PHF3: variants seen among roughly 807,000 people sequenced by gnomAD.
PHF3 encodes PHD finger protein 3.
Under a neutral mutation model 178.4 loss-of-function variants are expected in PHF3, and 41 were observed. That is an observed-to-expected ratio of 0.23 (90% confidence interval 0.18 to 0.30). The LOEUF (loss-of-function observed/expected upper bound fraction) is 0.30. Among genes scored for constraint, PHF3 ranks in the 10% least tolerant of loss-of-function variants. The pLI, the probability that PHF3 is intolerant of heterozygous loss-of-function variation, is 1.00. For synonymous variants in PHF3, 842 were observed against 800.5 expected (o/e 1.05, Z -0.88); for missense variants, 2,346 against 2,398.1 (o/e 0.98, Z 0.45).
intron 6 of PHF3, among the ~76,000 whole-genome samples, chr6:63,696,151 A>C (rs1032883134): frequency 6.6e-6 from 1 of 152,208 alleles, no homozygotes; most frequent in Non-Finnish European, 1.5e-5. Context: ...GTACAATGCA[A>C]ATATTCCAAG....
In PHF3 at chr6:63,684,802, T is replaced by C. The variant is rs961867260; in HGVS notation, c.1080T>C (p.Leu360=). The part of the protein sequence containing the change: ...CTNPNKTENS[L]VGLPSCVDEV... ...ATCCAAATAAGACAGAAAACAGCCT[T>C]GTAGGTTTGCCTAGTTGTGTAGATG... The change falls in exon 4 of 16, where the codon CTT becomes CTC. Residue 360 remains leucine (L), a synonymous_variant. Coordinates refer to ENST00000262043, the MANE Select transcript of PHF3 (RefSeq NM_001370348.2). 1.9e-6 allele frequency: 3 copies of C among 1,614,052 alleles called. No homozygotes were observed.
intron 2 of PHF3, among the ~76,000 whole-genome samples, chr6:63,656,217 TTTCCATAGC>T (rs1765226928): frequency 6.6e-6 from 1 of 152,256 alleles, no homozygotes; most frequent in Admixed American, 6.5e-5. Flanking sequence ...TTATTTTTGC[TTTCCATAGC>T]TTGACATAAT....
chr6:63,684,803 G>A lies in PHF3; in HGVS notation c.1081G>A (p.Val361Ile), dbSNP rs1766604276. Residue 361 changes from valine (V) to isoleucine (I), a missense_variant, in exon 4 of 16, where the codon GTA becomes ATA. Val to Ile is a conservative substitution (Grantham distance 29). Transcript: ENST00000262043. ...TCCAAATAAGACAGAAAACAGCCTT[G>A]TAGGTTTGCCTAGTTGTGTAGATGA... The part of the protein sequence containing the change: ...TNPNKTENSL[V>I]GLPSCVDEVT... 4 of 1,613,892 alleles carry A rather than the reference G, an allele frequency of 2.5e-6. No homozygotes were observed. Among genetic ancestry groups the A allele is most frequent in the Non-Finnish European group, 3.4e-6 (4 of 1,179,920 alleles).
Position 63,722,749 on chromosome 6 carries a change from A to G in PHF3, c.*9041A>G, listed in dbSNP as rs929474358. ...ACTTCTTCCTCCCTCCAGAGTGCCT[A>G]TTTCCACACCTCCCTCCTGCAAATG... On this transcript the variant is annotated 3_prime_UTR_variant, in exon 16 of 16. Coordinates refer to ENST00000262043, the MANE Select transcript of PHF3 (RefSeq NM_001370348.2). Among the ~76,000 whole-genome samples, 1 of 152,052 alleles carries G rather than the reference A, an allele frequency of 6.6e-6. No homozygotes were observed. The highest frequency in any genetic ancestry group is 1.5e-5 in the Non-Finnish European group (1 of 68,004).
intron 2 of PHF3, among the ~76,000 whole-genome samples, chr6:63,657,310 T>C (rs959848635): frequency 6.6e-6 from 1 of 152,158 alleles, no homozygotes; most frequent in Non-Finnish European, 1.5e-5. Flanking sequence ...TTGAATAATG[T>C]GGGATTTAGG....
rs1768247117 is a variant in PHF3, at chr6:63,718,205, G to A, written c.*4497G>A. Among the ~76,000 whole-genome samples the A allele has an allele frequency of 6.6e-6, 1 of 152,082 alleles. No individual in the cohort carries two copies. The highest frequency in any genetic ancestry group is 2.4e-5 in the African/African-American group (1 of 41,526). ...CTATTCTGCAAGCACAATTTTCTGC[G>A]TTTGGAATTCAATGATGAGCAAAAT... On this transcript the variant is annotated 3_prime_UTR_variant, in exon 16 of 16. Coordinates refer to ENST00000262043, the MANE Select transcript of PHF3 (RefSeq NM_001370348.2).
At position 63,720,617 on chromosome 6, in the gene PHF3, A is replaced by G; in HGVS notation, c.*6909A>G. The stretch of plus-strand genomic sequence containing the variant: ...TAACTTATGTAACCTCATTTTGTTC[A>G]TCTCCATCATAAACATTGTATCCTT... On this transcript the variant is annotated 3_prime_UTR_variant, in exon 16 of 16. Coordinates refer to ENST00000262043, the MANE Select transcript of PHF3 (RefSeq NM_001370348.2). 1 of 1,493,528 alleles carries G rather than the reference A, an allele frequency of 6.7e-7. No individual in the cohort carries two copies. The highest frequency in any genetic ancestry group is 8.9e-7 in the Non-Finnish European group (1 of 1,119,690). The allele number at this position is 1,493,528 out of a possible 1,614,324, so 92.5% of individuals were successfully genotyped here. A position where few individuals can be genotyped will look rare whatever the true frequency, so the allele number is the denominator to read the frequency against.
Position 63,723,703 on chromosome 6 carries a change from T to G in PHF3, c.*9995T>G, listed in dbSNP as rs1380880020. Among the ~76,000 whole-genome samples the G allele has an allele frequency of 6.6e-6, 1 of 151,960 alleles. No individual in the cohort carries two copies. Among genetic ancestry groups the G allele is most frequent in the East Asian group, 1.9e-4 (1 of 5,194 alleles). On this transcript the variant is annotated 3_prime_UTR_variant, in exon 16 of 16. Transcript: ENST00000262043. Reference sequence around the variant, plus strand: ...TTCTGTGGCTATGGAAGCTAAAAGCTGTATTAGCTTAAAAAATCATAGACT... The same window carrying G: ...TTCTGTGGCTATGGAAGCTAAAAGCGGTATTAGCTTAAAAAATCATAGACT...
At position 63,713,331 on chromosome 6, in the gene PHF3, A is replaced by G. The variant is rs920480501; in HGVS notation, c.5743A>G (p.Arg1915Gly). ...ACAGCAACTGGATAGGCCATTTAAT[A>G]GGGGTAAAGGGGACCGCCAGAGATT... is the stretch of plus-strand genomic sequence containing the variant. The part of the protein sequence containing the change: ...DQQQLDRPFN[R>G]GKGDRQRFYS... The change falls in exon 16 of 16, where the codon AGG (arginine) becomes GGG (glycine). Residue 1915 changes from arginine to glycine, a missense_variant. Physicochemically the swap from Arg to Gly is moderately radical, Grantham distance 125. This residue lies in a region of PHF3 where 839 missense variants were observed against 806.9 expected (regional missense o/e 1.04). Transcript: ENST00000262043. The G allele has an allele frequency of 3.4e-5, 55 of 1,613,938 alleles. No homozygotes were observed. The highest frequency in any genetic ancestry group is 4.5e-5 in the Non-Finnish European group (53 of 1,179,978).
chr6:63,653,042 G>A (rs1765084951), intron 2 of PHF3, among the ~76,000 whole-genome samples: 1 of 140,022 alleles, frequency 7.1e-6, no homozygotes, highest in African/African-American at 2.7e-5. Flanking sequence ...TTGTGGTTCT[G>A]TGTATTTTTT....
Position 63,721,054 on chromosome 6 carries a change from C to T in PHF3, c.*7346C>T, listed in dbSNP as rs1349176459. ...GCTATTCCCATCCATACAATTAGACCTTCTGTTTTAGTGGTACTGAAATTT... is the reference window on the plus strand; with the variant it reads ...GCTATTCCCATCCATACAATTAGACTTTCTGTTTTAGTGGTACTGAAATTT... On this transcript the variant is annotated 3_prime_UTR_variant, in exon 16 of 16. Transcript: ENST00000262043. The T allele has an allele frequency of 1.3e-6, 2 of 1,551,158 alleles. No individual in the cohort carries two copies. The highest frequency in any genetic ancestry group is 1.4e-5 in the African/African-American group (1 of 72,994).
At chr6:63,658,216 C>G (rs1380799113) in intron 2 of PHF3, among the ~76,000 whole-genome samples, 2 of 152,206 alleles carry the variant, frequency 1.3e-5, no homozygotes, top group East Asian at 1.9e-4. Context: ...CAAGGTTGTT[C>G]ACAACTTCTT....
At chr6:63,678,813 CT>C (rs1227202497) in intron 2 of PHF3, 4 of 449,808 alleles carry the variant, frequency 8.9e-6, no homozygotes, top group African/African-American at 4.0e-5. Flanking sequence ...GAATTTTGTT[CT>C]CTTTAAATTT....
chr6:63,722,609 A>G lies in PHF3; in HGVS notation c.*8901A>G, dbSNP rs1316546693. Among the ~76,000 whole-genome samples the G allele has an allele frequency of 2.0e-5, 3 of 152,338 alleles. No homozygotes were observed. The highest frequency in any genetic ancestry group is 3.9e-4 in the East Asian group (2 of 5,186). Reference sequence around the variant, plus strand: ...AAGATTGCTTGAAGAGGATAGCAAAATGACTTATTAATAATGAACCACGCA... The same window carrying G: ...AAGATTGCTTGAAGAGGATAGCAAAGTGACTTATTAATAATGAACCACGCA... On this transcript the variant is annotated 3_prime_UTR_variant, in exon 16 of 16. Coordinates refer to ENST00000262043, the MANE Select transcript of PHF3 (RefSeq NM_001370348.2).
intron 2 of PHF3, among the ~76,000 whole-genome samples, chr6:63,661,928 A>G (rs1765481003): frequency 6.6e-6 from 1 of 152,180 alleles, no homozygotes; most frequent in East Asian, 1.9e-4. Context: ...GCCATGGACT[A>G]GTACCAGTTT....
chr6:63,691,745 T>C lies in PHF3; in HGVS notation c.2198T>C (p.Val733Ala). The C allele has an allele frequency of 6.3e-7, 1 of 1,592,716 alleles. No individual in the cohort carries two copies. The highest frequency in any genetic ancestry group is 8.6e-7 in the Non-Finnish European group (1 of 1,167,284). The change falls in exon 5 of 16, where the codon GTT (valine) becomes GCT (alanine). Residue 733 changes from valine (V) to alanine (A), a missense_variant. Physicochemically the swap from Val to Ala is moderately conservative, Grantham distance 64. This residue lies in a region of PHF3 where 72 missense variants were observed against 110.5 expected (regional missense o/e 0.65). Coordinates refer to ENST00000262043, the MANE Select transcript of PHF3 (RefSeq NM_001370348.2). ...CKKPHGNRFM[V>A]GCGRCDDWFH... ...GGTGTTCTGTTTTCCAGGTTTATGG[T>C]TGGCTGTGGGAGATGTGATGACTGG...
intron 2 of PHF3, among the ~76,000 whole-genome samples, chr6:63,660,539 A>G (rs901998442): frequency 6.7e-6 from 1 of 148,658 alleles, no homozygotes; most frequent in African/African-American, 2.6e-5. Flanking sequence ...ACAAAACTTG[A>G]TGATCTCTTC....
At chr6:63,692,574 T>A (rs1767054566) in intron 5 of PHF3, among the ~76,000 whole-genome samples, 1 of 152,172 alleles carries the variant, frequency 6.6e-6, no homozygotes, top group African/African-American at 2.4e-5. Context: ...ACTTTTTTAG[T>A]CGTTAATTTG....
intron 11 of PHF3, among the ~76,000 whole-genome samples, chr6:63,704,392 T>A (rs1767605163): frequency 6.6e-6 from 1 of 151,890 alleles, no homozygotes; most frequent in African/African-American, 2.4e-5. Flanking sequence ...TTACTCTGTC[T>A]ATTCATCCCT....
Sources: gnomAD v4.1 joint callset for allele counts (sites outside exome capture counted in the v4.1 genomes callset) on GRCh38, gnomAD v4.1.1 for gene constraint, gnomAD v4.1.1 regional missense constraint, MANE v1.5 for transcripts, NCBI Gene and HGNC (gene_info 2026-07-23, HGNC 2026-07-21) for gene names.